SIRPG: variants seen among roughly 807,000 people sequenced by gnomAD.
SIRPG encodes signal regulatory protein gamma, also known as signal-regulatory protein gamma.
SIRPG carries 38 observed loss-of-function variants against 35.7 expected under a neutral mutation model. The observed-to-expected ratio is 1.06, with a 90% CI of 0.82 to 1.40. SIRPG has a LOEUF of 1.40. Ranked by LOEUF, SIRPG falls within the 40% of genes most tolerant of loss-of-function variation. The pLI, the probability that SIRPG is intolerant of heterozygous loss-of-function variation, is 0.00. For missense variants in SIRPG, 519 were observed against 483.0 expected, an observed-to-expected ratio of 1.07 and a Z score of -0.70; for synonymous variants, 215 against 190.4, an observed-to-expected ratio of 1.13 and a Z score of -1.06.
At chr20:1,663,747 C>T in the SIRPG span, among the ~76,000 whole-genome samples, 5 of 152,226 alleles carry the variant, frequency 3.3e-5, no homozygotes, top group Non-Finnish European at 7.3e-5. Context: ...TTTGAACTGT[C>T]GCGGCATTCC....
chr20:1,672,792 C>A, the SIRPG span, among the ~76,000 whole-genome samples: 4 of 152,102 alleles, frequency 2.6e-5, no homozygotes, highest in Non-Finnish European at 5.9e-5. Context: ...CCAAGTGCTG[C>A]CTTTCCAAAG....
intron 4 of SIRPG, among the ~76,000 whole-genome samples, chr20:1,634,493 C>T (rs1016173218): frequency 2.6e-5 from 4 of 152,000 alleles, no homozygotes; most frequent in African/African-American, 4.8e-5. Context: ...AGGCGTGAGC[C>T]GCCAGGCCTG....
At chr20:1,650,513 A>G (rs2091934091) in intron 1 of SIRPG, among the ~76,000 whole-genome samples, 1 of 152,218 alleles carries the variant, frequency 6.6e-6, no homozygotes, top group African/African-American at 2.4e-5. Context: ...GAAAAATCAT[A>G]AAGCTGCAAG....
At chr20:1,668,223 C>CT in the SIRPG span, among the ~76,000 whole-genome samples, 10 of 78,300 alleles carry the variant, frequency 1.3e-4, no homozygotes, top group African/African-American at 4.8e-4. Flanking sequence ...TTCTTTCTTT[C>CT]TTTCTTTCTT....
chr20:1,661,063 T>G (rs1292032150), upstream of SIRPG, among the ~76,000 whole-genome samples: 1 of 152,224 alleles, frequency 6.6e-6, no homozygotes, highest in Non-Finnish European at 1.5e-5. Flanking sequence ...GACCATGTCC[T>G]CCAAAAGTTA....
chr20:1,641,183 G>A (rs1465105610), intron 2 of SIRPG, among the ~76,000 whole-genome samples: 2 of 152,174 alleles, frequency 1.3e-5, no homozygotes, highest in Admixed American at 6.5e-5. Flanking sequence ...CAGAAGGAAT[G>A]GTTCCAGCTC....
chr20:1,676,989 C>G, the SIRPG span: 1 of 152,812 alleles, frequency 6.5e-6, no homozygotes, highest in Non-Finnish European at 1.5e-5. Flanking sequence ...ATATCAGGAG[C>G]AGAGCTTGAG....
At chr20:1,641,609 G>A (rs6079931) in intron 2 of SIRPG, among the ~76,000 whole-genome samples, 33,566 of 151,746 alleles carry the variant, frequency 0.22, 4,076 homozygotes, top group Admixed American at 0.34. Context: ...CCTTCAGTTC[G>A]TTTCTGATCT....
chr20:1,679,753 C>G, the SIRPG span, among the ~76,000 whole-genome samples: 1 of 152,240 alleles, frequency 6.6e-6, no homozygotes, highest in South Asian at 2.1e-4. Context: ...AGAATGGGAT[C>G]ATTCTAAACT....
At chr20:1,636,008 C>A (rs760061867) in intron 3 of SIRPG, among the ~76,000 whole-genome samples, 180 bp downstream of exon 3, 1 of 152,190 alleles carries the variant, frequency 6.6e-6, no homozygotes, top group African/African-American at 2.4e-5. Context: ...GATTGCTGGT[C>A]CCCTGACCGC....
At chr20:1,685,122 G>T in the SIRPG span, among the ~76,000 whole-genome samples, 1 of 152,208 alleles carries the variant, frequency 6.6e-6, no homozygotes, top group African/African-American at 2.4e-5. Context: ...AGGACAGGCA[G>T]CCTGTCTGTG....
chr20:1,641,278 A>C (rs2091850121), intron 2 of SIRPG, among the ~76,000 whole-genome samples: 1 of 152,072 alleles, frequency 6.6e-6, no homozygotes, highest in African/African-American at 2.4e-5. Flanking sequence ...TTACTGCCTC[A>C]ATTTCAGAAC....
chr20:1,642,670 A>T (rs2091862504), intron 2 of SIRPG, among the ~76,000 whole-genome samples: 1 of 151,978 alleles, frequency 6.6e-6, no homozygotes, highest in Non-Finnish European at 1.5e-5. Context: ...GTGATCACTG[A>T]TCTTTATATT....
Position 1,657,694 on chromosome 20 carries a change from C to A in SIRPG, c.21G>T (p.Trp7Cys). 6.2e-7 allele frequency: 1 copy of A among 1,614,126 alleles called. No individual in the cohort carries two copies. Among genetic ancestry groups the A allele is most frequent in the Non-Finnish European group, 8.5e-7 (1 of 1,180,000 alleles). The change falls in exon 1 of 6, where the codon TGG (tryptophan) becomes TGT (cysteine). Residue 7 changes from tryptophan (W) to cysteine (C), a missense_variant. By Grantham distance (215) the Trp-to-Cys change is radical (BLOSUM62 -2). Transcript: ENST00000303415. The part of the protein sequence containing the change: MPVPAS[W>C]PHPPGPFLLL... ...GCAGGAAAGGACCAGGAGGATGGGGCCAGGAGGCTGGGACAGGCATTTTGG... is the reference window on the plus strand; with the variant it reads ...GCAGGAAAGGACCAGGAGGATGGGGACAGGAGGCTGGGACAGGCATTTTGG...
intron 1 of SIRPG, among the ~76,000 whole-genome samples, chr20:1,650,690 G>A (rs6043548): frequency 2.4e-4 from 37 of 151,922 alleles, no homozygotes; most frequent in Non-Finnish European, 4.7e-4. Flanking sequence ...GAAGATTATT[G>A]GAAGAAATCA....
intron 2 of SIRPG, among the ~76,000 whole-genome samples, chr20:1,637,044 G>A (rs995114854): frequency 6.6e-6 from 1 of 152,132 alleles, no homozygotes; most frequent in African/African-American, 2.4e-5. Context: ...GATTAAATGG[G>A]GCCATGGAAG....
chr20:1,677,707 A>T, the SIRPG span, among the ~76,000 whole-genome samples: 2 of 152,318 alleles, frequency 1.3e-5, no homozygotes, highest in East Asian at 3.9e-4. Context: ...ACTGCGTTAC[A>T]ATCAAGAAGA....
intron 1 of SIRPG, among the ~76,000 whole-genome samples, chr20:1,654,281 T>C (rs1452529955): frequency 1.3e-5 from 2 of 149,888 alleles, no homozygotes; most frequent in Non-Finnish European, 3.0e-5. Flanking sequence ...CCACACTGCC[T>C]AATTTCAACA....
At chr20:1,645,539 C>A (rs181926857) in intron 2 of SIRPG, among the ~76,000 whole-genome samples, 27 of 152,212 alleles carry the variant, frequency 1.8e-4, no homozygotes, top group Non-Finnish European at 4.0e-4. Context: ...GTCATGGCTT[C>A]GGCATCACAT....
Sources: allele counts gnomAD v4.1 joint callset (sites outside exome capture counted in the v4.1 genomes callset), GRCh38; gene constraint gnomAD v4.1.1; transcripts MANE v1.5; gene names NCBI Gene and HGNC (gene_info 2026-07-23, HGNC 2026-07-21).